PLCB4: variants seen among roughly 807,000 people sequenced by gnomAD.
PLCB4 encodes 1-phosphatidylinositol 4,5-bisphosphate phosphodiesterase beta-4.
PLCB4 carries 77 observed loss-of-function variants against 178.8 expected under a neutral mutation model. The observed-to-expected ratio is 0.43, with a 90% CI of 0.36 to 0.52. The LOEUF (loss-of-function observed/expected upper bound fraction) is 0.52. PLCB4 is among the 20% of genes least tolerant of loss of function. PLCB4 has a pLI of 0.00. For missense variants in PLCB4, 1,024 were observed against 1,453.4 expected (o/e 0.70, Z 4.80); for synonymous variants, 496 against 490.8 (o/e 1.01, Z -0.14).
intron 3 of PLCB4, among the ~76,000 whole-genome samples, chr20:9,261,657 A>G (rs564667602): frequency 1.3e-5 from 2 of 152,320 alleles, no homozygotes; most frequent in East Asian, 3.9e-4. Flanking sequence ...TTGAGTATGT[A>G]ATTGATTTCA....
Position 9,206,303 on chromosome 20 carries a change from T to C in PLCB4, c.-78-11087T>C, listed in dbSNP as rs372250642. On this transcript the variant is annotated intron_variant, in intron 2 of 39. Transcript: ENST00000378473. ...CCTGCCTTTTTTTTCTTTTTTCTTT[T>C]TTTTTTTTTTTTTTTTTTTGGTCAG... Among the ~76,000 whole-genome samples the C allele has an allele frequency of 6.2e-3, 336 of 53,780 alleles. 1 individual carries two copies. The highest frequency in any genetic ancestry group is 0.03 in the African/African-American group (319 of 10,802). The allele number at this position is 53,780 out of a possible 152,430, so 35.3% of individuals were successfully genotyped here. A position where few individuals can be genotyped will look rare whatever the true frequency, so the allele number is the denominator to read the frequency against.
chr20:9,415,827 A>G (rs1301101161), intron 25 of PLCB4, among the ~76,000 whole-genome samples: 1 of 152,168 alleles, frequency 6.6e-6, no homozygotes, highest in African/African-American at 2.4e-5. Context: ...GTAGAACTGC[A>G]CAATTAGCAC....
chr20:9,348,664 T>C (rs1406433687), intron 7 of PLCB4, among the ~76,000 whole-genome samples: 1 of 152,166 alleles, frequency 6.6e-6, no homozygotes, highest in African/African-American at 2.4e-5. Flanking sequence ...TTTTTGAAAC[T>C]CCCTACTTTC....
At chr20:9,262,606 A>G (rs1156298871) in intron 3 of PLCB4, among the ~76,000 whole-genome samples, 2 of 152,186 alleles carry the variant, frequency 1.3e-5, no homozygotes, top group Non-Finnish European at 1.5e-5. Flanking sequence ...CCATGAGGAA[A>G]CGAAGACTCC....
chr20:9,362,350 A>G (rs2035416865), intron 7 of PLCB4, among the ~76,000 whole-genome samples: 1 of 152,162 alleles, frequency 6.6e-6, no homozygotes, highest in Non-Finnish European at 1.5e-5. Context: ...CTTATACAGA[A>G]ATTATGTGAG....
chr20:9,183,756 T>C (rs2147102299), intron 2 of PLCB4, among the ~76,000 whole-genome samples: 1 of 152,290 alleles, frequency 6.6e-6, no homozygotes, highest in Non-Finnish European at 1.5e-5. Context: ...TTGAAAAATA[T>C]TATTTTAATT....
Position 9,392,142 on chromosome 20 carries a change from G to A in PLCB4, c.1324-1446G>A, listed in dbSNP as rs1299174273. On this transcript the variant is annotated intron_variant, in intron 17 of 39. Transcript: ENST00000378473. ...GTGGAAAGTTCACTGTATTCTTAGTGAAGTGATGTGCACATACTTTTACCA... is the reference window on the plus strand; with the variant it reads ...GTGGAAAGTTCACTGTATTCTTAGTAAAGTGATGTGCACATACTTTTACCA... 7.2e-5 allele frequency among the ~76,000 whole-genome samples: 11 copies of A among 152,236 alleles called. No individual in the cohort carries two copies. The East Asian group carries it at 1.9e-3, about 27-fold the overall frequency.
intron 1 of PLCB4, among the ~76,000 whole-genome samples, chr20:9,071,375 G>A (rs180768674): frequency 6.6e-6 from 1 of 152,190 alleles, no homozygotes; most frequent in East Asian, 1.9e-4. Context: ...ACTTCATTTT[G>A]GGGTTTGATT....
chr20:9,274,432 T>C (rs897100762), intron 3 of PLCB4, among the ~76,000 whole-genome samples: 1 of 152,100 alleles, frequency 6.6e-6, no homozygotes, highest in African/African-American at 2.4e-5. Context: ...GTCTTCAGTA[T>C]CTTAATGGGC....
At chr20:9,225,258 A>G (rs943450206) in intron 3 of PLCB4, among the ~76,000 whole-genome samples, 1 of 152,164 alleles carries the variant, frequency 6.6e-6, no homozygotes, top group Non-Finnish European at 1.5e-5. Context: ...TAAAAGAAAA[A>G]GTTAGAGAAG....
At chr20:9,269,224 G>A (rs2094379491) in intron 3 of PLCB4, among the ~76,000 whole-genome samples, 1 of 152,178 alleles carries the variant, frequency 6.6e-6, no homozygotes, top group African/African-American at 2.4e-5. Context: ...CATTTAATCA[G>A]TGAGTATAGG....
intron 3 of PLCB4, among the ~76,000 whole-genome samples, chr20:9,262,494 G>T (rs1382979112): frequency 6.6e-6 from 1 of 152,182 alleles, no homozygotes; most frequent in Non-Finnish European, 1.5e-5. Flanking sequence ...CACTTGGCAT[G>T]TAAGGATGAT....
At chr20:9,308,959 A>C (rs990737451) in intron 4 of PLCB4, among the ~76,000 whole-genome samples, 15 of 152,200 alleles carry the variant, frequency 9.9e-5, no homozygotes, top group Admixed American at 7.2e-4. Flanking sequence ...TCCAGAGACA[A>C]GCACTGTTAA....
intron 2 of PLCB4, among the ~76,000 whole-genome samples, chr20:9,117,463 T>C (rs1050652572): frequency 6.6e-6 from 1 of 152,158 alleles, no homozygotes; most frequent in African/African-American, 2.4e-5. Context: ...ATGCTGTGAG[T>C]CTTCTGACTG....
chr20:9,407,576 C>T (rs562127809), intron 21 of PLCB4, among the ~76,000 whole-genome samples: 3 of 152,002 alleles, frequency 2.0e-5, no homozygotes, highest in Admixed American at 6.6e-5. Flanking sequence ...TTGCCATGTT[C>T]GCCAAGTTTG....
chr20:9,110,102 G>T (rs1456565793), intron 2 of PLCB4, among the ~76,000 whole-genome samples: 1 of 151,906 alleles, frequency 6.6e-6, no homozygotes, highest in African/African-American at 2.4e-5. Flanking sequence ...ACTATTTTTT[G>T]CAAAGTGTTA....
chr20:9,249,238 T>C (rs1418877803), intron 3 of PLCB4, among the ~76,000 whole-genome samples: 1 of 152,120 alleles, frequency 6.6e-6, no homozygotes, highest in Non-Finnish European at 1.5e-5. Flanking sequence ...ATTATTATTA[T>C]ACTTTAAGTT....
intron 2 of PLCB4, among the ~76,000 whole-genome samples, chr20:9,183,050 C>G (rs769401111): frequency 6.6e-6 from 1 of 152,200 alleles, no homozygotes; most frequent in South Asian, 2.1e-4. Context: ...AAGAATCTGT[C>G]TGTGTCTATT....
intron 2 of PLCB4, among the ~76,000 whole-genome samples, chr20:9,180,810 A>T (rs1389014750): frequency 1.3e-5 from 2 of 152,180 alleles, no homozygotes; most frequent in Non-Finnish European, 2.9e-5. Context: ...ATTAGAAAGG[A>T]GTTTGGAATG....
Sources: allele counts gnomAD v4.1 joint callset (sites outside exome capture counted in the v4.1 genomes callset), GRCh38; gene constraint gnomAD v4.1.1; transcripts MANE v1.5; gene names NCBI Gene and HGNC (gene_info 2026-07-23, HGNC 2026-07-21).